WDPCP: variants seen among roughly 807,000 people sequenced by gnomAD.
The protein encoded by WDPCP is WD repeat-containing and planar cell polarity effector protein fritz homolog.
A neutral mutation model predicts 93.1 loss-of-function variants in WDPCP; 71 were observed. That is an observed-to-expected ratio of 0.76 (90% CI 0.63 to 0.93). The LOEUF is 0.93. Ranked by LOEUF, WDPCP falls within the 40% of genes least tolerant of loss-of-function variation. The pLI is 0.00. For missense variants in WDPCP, 844 were observed against 887.4 expected (o/e 0.95, Z 0.62); for synonymous variants, 315 against 315.0 (o/e 1.00, Z 0.00).
At chr2:63,374,671 T>C (rs1482827606) in intron 12 of WDPCP, among the ~76,000 whole-genome samples, 2 of 152,182 alleles carry the variant, frequency 1.3e-5, no homozygotes, top group Non-Finnish European at 2.9e-5. Flanking sequence ...TCCAAAAGAC[T>C]GCCCTTTTTT....
chr2:63,727,356 T>C (rs374937825), intron 2 of WDPCP, among the ~76,000 whole-genome samples: 7 of 152,204 alleles, frequency 4.6e-5, no homozygotes, highest in East Asian at 1.9e-4. Context: ...ATTTAGTGAT[T>C]TGCATGTGTT....
At chr2:63,561,322 C>CA (rs796335154) in intron 1 of WDPCP, among the ~76,000 whole-genome samples, 1 of 151,854 alleles carries the variant, frequency 6.6e-6, no homozygotes, top group Non-Finnish European at 1.5e-5. Context: ...ACTAAAAATA[C>CA]AAAAAACCAG....
intron 14 of WDPCP, among the ~76,000 whole-genome samples, chr2:63,199,356 G>A (rs1409315105): frequency 6.6e-6 from 1 of 152,190 alleles, no homozygotes; most frequent in African/African-American, 2.4e-5. Flanking sequence ...AGAGACCCTT[G>A]CAGCAGCCCC....
chr2:63,384,803 G>A (rs1692597228), intron 10 of WDPCP, among the ~76,000 whole-genome samples: 1 of 151,050 alleles, frequency 6.6e-6, no homozygotes, highest in East Asian at 1.9e-4. Flanking sequence ...AATTATAAGA[G>A]AGAATACTTC....
chr2:63,336,083 C>A (rs1441104437), intron 12 of WDPCP, among the ~76,000 whole-genome samples: 1 of 152,302 alleles, frequency 6.6e-6, no homozygotes, highest in East Asian at 1.9e-4. Flanking sequence ...TAAAAATGGG[C>A]AACCAGCAGC....
chr2:63,445,599 C>T (rs1481021491), intron 6 of WDPCP, among the ~76,000 whole-genome samples: 1 of 151,958 alleles, frequency 6.6e-6, no homozygotes, highest in Non-Finnish European at 1.5e-5. Context: ...AAAAAGAGCA[C>T]CAAGACAGTG....
chr2:63,706,532 T>A (rs929073079), intron 2 of WDPCP, among the ~76,000 whole-genome samples: 23 of 152,096 alleles, frequency 1.5e-4, no homozygotes, highest in Admixed American at 3.3e-4. Context: ...CTGTAAAGTA[T>A]TTTATTTCTC....
At chr2:63,233,676 C>G (rs1315906087) in intron 14 of WDPCP, 1 of 153,712 alleles carries the variant, frequency 6.5e-6, no homozygotes, top group Non-Finnish European at 1.5e-5. Flanking sequence ...ACCAGCACAT[C>G]AAGCAGAGGG....
chr2:63,417,089 G>T (rs557395069), intron 9 of WDPCP, among the ~76,000 whole-genome samples: 1 of 152,174 alleles, frequency 6.6e-6, no homozygotes, highest in Non-Finnish European at 1.5e-5. Context: ...GTAACTAAAT[G>T]CAGGGGACAG....
intron 13 of WDPCP, 139 bp downstream of exon 13, chr2:63,313,109 C>A: frequency 1.3e-6 from 1 of 762,276 alleles, no homozygotes; most frequent in African/African-American, 1.8e-5. Flanking sequence ...CGAAAGCAAA[C>A]CTGCAAGTCA....
At chr2:63,665,171 G>A (rs372531681) in intron 2 of WDPCP, among the ~76,000 whole-genome samples, 42 of 152,306 alleles carry the variant, frequency 2.8e-4, no homozygotes, top group African/African-American at 9.6e-4. Flanking sequence ...ATCACAAACT[G>A]GGTGGCTCAA....
intron 14 of WDPCP, among the ~76,000 whole-genome samples, chr2:63,198,716 A>G (rs1675650134): frequency 6.6e-6 from 1 of 152,178 alleles, no homozygotes; most frequent in Admixed American, 6.5e-5. Context: ...TTTGTAAATT[A>G]CCCAGTTTCA....
chr2:63,490,329 A>G (rs755335763), intron 2 of WDPCP, among the ~76,000 whole-genome samples: 9 of 152,294 alleles, frequency 5.9e-5, no homozygotes, highest in Non-Finnish European at 1.2e-4. Flanking sequence ...TTTGTAGGAC[A>G]TATACATGAA....
chr2:63,144,493 A>T (rs1200674297), intron 17 of WDPCP, among the ~76,000 whole-genome samples: 1 of 152,110 alleles, frequency 6.6e-6, no homozygotes, highest in East Asian at 1.9e-4. Context: ...TGGCCTTGTG[A>T]TCTGCCCGCC....
At chr2:63,373,215 C>T (rs1271632891) in intron 12 of WDPCP, among the ~76,000 whole-genome samples, 1 of 150,924 alleles carries the variant, frequency 6.6e-6, no homozygotes, top group Admixed American at 6.6e-5. Context: ...TTTTTATATT[C>T]TCTGACATTT....
intron 14 of WDPCP, among the ~76,000 whole-genome samples, chr2:63,242,864 C>A (rs575962023): frequency 1.3e-5 from 2 of 152,234 alleles, no homozygotes; most frequent in African/African-American, 4.8e-5. Flanking sequence ...CCTCCTTTTT[C>A]CTCCTTTTGT....
intron 12 of WDPCP, among the ~76,000 whole-genome samples, chr2:63,318,950 A>C (rs948866864): frequency 6.6e-6 from 1 of 152,200 alleles, no homozygotes; most frequent in African/African-American, 2.4e-5. Flanking sequence ...AGAATAACTT[A>C]TACATAAAGT....
chr2:63,323,219 C>T (rs930910687), intron 12 of WDPCP, among the ~76,000 whole-genome samples: 13 of 152,202 alleles, frequency 8.5e-5, no homozygotes, highest in Non-Finnish European at 5.9e-5. Flanking sequence ...TGGGTCCTAA[C>T]GCCTGCCAGA....
In WDPCP at chr2:63,764,355, T is replaced by C. The variant is rs138703364; in HGVS notation, n.308+49267A>G. Among the ~76,000 whole-genome samples, 634 of 152,256 alleles carry C rather than the reference T, an allele frequency of 4.2e-3. 3 individuals are homozygous for C. The highest frequency in any genetic ancestry group is 0.014 in the African/African-American group (594 of 41,556). On this transcript the variant is annotated intron_variant and non_coding_transcript_variant, in intron 2 of 4. Coordinates refer to the WDPCP transcript ENST00000467687. ...AGTCAAGGGCTAGCCTGTGATCCTT[T>C]GAGTGATGCCGTGGTGACCTCTGAT... is the stretch of plus-strand genomic sequence containing the variant.
Sources: allele counts gnomAD v4.1 joint callset (sites outside exome capture counted in the v4.1 genomes callset), GRCh38; gene constraint gnomAD v4.1.1; transcripts MANE v1.5; gene names NCBI Gene and HGNC (gene_info 2026-07-23, HGNC 2026-07-21).